PPFIA2: variants seen among roughly 807,000 people sequenced by gnomAD.
PPFIA2 encodes the protein liprin-alpha-2.
PPFIA2 carries 46 observed loss-of-function variants against 175.5 expected under a neutral mutation model. That is an observed-to-expected ratio of 0.26 (90% CI 0.21 to 0.34). The LOEUF is 0.34. Ranked by LOEUF, PPFIA2 falls within the 10% of genes least tolerant of loss-of-function variation. The probability of loss-of-function intolerance (pLI) is 1.00; values close to 1 mark genes in which losing one functional copy is unlikely to be tolerated. For missense variants in PPFIA2, 1,179 were observed against 1,506.1 expected (o/e 0.78, Z 3.60); for synonymous variants, 568 against 511.4 (o/e 1.11, Z -1.49).
chr12:81,366,946 C>T (rs2033655511), intron 14 of PPFIA2, among the ~76,000 whole-genome samples, 162 bp downstream of exon 14: 1 of 151,712 alleles, frequency 6.6e-6, no homozygotes, highest in East Asian at 1.9e-4. Context: ...AGCTCTTCCT[C>T]TCTATGTACG....
chr12:81,616,980 T>C lies in PPFIA2; in HGVS notation c.303+59811A>G, dbSNP rs1380438896. Among the ~76,000 whole-genome samples, 4 of 152,198 alleles carry C rather than the reference T, an allele frequency of 2.6e-5. No individual in the cohort carries two copies. The East Asian group carries it at 7.7e-4, about 29-fold the overall frequency. On this transcript the variant is annotated intron_variant, in intron 4 of 32. Coordinates refer to ENST00000549396, the MANE Select transcript of PPFIA2 (RefSeq NM_003625.5). The stretch of plus-strand genomic sequence containing the variant: ...GTATAACAGTTTAAAGCATGGGCTC[T>C]AGTGTCAAAGAGATTCAAATTCAAA...
chr12:81,570,736 CAATT>C (rs1337832072), intron 4 of PPFIA2, among the ~76,000 whole-genome samples: 5 of 148,436 alleles, frequency 3.4e-5, no homozygotes, highest in East Asian at 1.9e-4. Context: ...TAAAATATAT[CAATT>C]AATATAATTT....
At chr12:81,570,735 T>C (rs1295613358) in intron 4 of PPFIA2, among the ~76,000 whole-genome samples, 1 of 148,934 alleles carries the variant, frequency 6.7e-6, no homozygotes, top group Non-Finnish European at 1.5e-5. Context: ...ATAAAATATA[T>C]CAATTAATAT....
intron 4 of PPFIA2, among the ~76,000 whole-genome samples, chr12:81,479,775 G>A (rs923615186): frequency 1.3e-5 from 2 of 152,054 alleles, no homozygotes; most frequent in Non-Finnish European, 2.9e-5. Flanking sequence ...AGAGAGATCC[G>A]TGGTTAGTCT....
At chr12:81,487,017 T>C (rs960107695) in intron 4 of PPFIA2, among the ~76,000 whole-genome samples, 5 of 151,964 alleles carry the variant, frequency 3.3e-5, no homozygotes, top group Admixed American at 6.6e-5. Context: ...ACTCAATGCA[T>C]ATTTACATTT....
chr12:81,510,752 T>C (rs2061685657), intron 4 of PPFIA2, among the ~76,000 whole-genome samples: 1 of 152,104 alleles, frequency 6.6e-6, no homozygotes, highest in Admixed American at 6.5e-5. Flanking sequence ...TATAGTGATG[T>C]ACTAGTTTTG....
At chr12:81,609,199 T>G (rs980676420) in intron 4 of PPFIA2, among the ~76,000 whole-genome samples, 3 of 152,162 alleles carry the variant, frequency 2.0e-5, no homozygotes, top group African/African-American at 7.2e-5. Flanking sequence ...TGAGTAAGCA[T>G]GTCATCAATC....
intron 4 of PPFIA2, among the ~76,000 whole-genome samples, chr12:81,635,976 A>T (rs1294056501): frequency 6.6e-6 from 1 of 152,174 alleles, no homozygotes; most frequent in Non-Finnish European, 1.5e-5. Flanking sequence ...AAACAAAGAT[A>T]TCTTGTATTA....
chr12:81,677,148 A>T (rs1226772771), intron 3 of PPFIA2, among the ~76,000 whole-genome samples: 1 of 152,016 alleles, frequency 6.6e-6, no homozygotes, highest in Non-Finnish European at 1.5e-5. Context: ...AGAAAACTTC[A>T]GTTTAACGTA....
At chr12:81,523,843 T>C (rs901957572) in intron 4 of PPFIA2, among the ~76,000 whole-genome samples, 6 of 152,238 alleles carry the variant, frequency 3.9e-5, no homozygotes, top group Non-Finnish European at 8.8e-5. Flanking sequence ...TTGCTTTTTT[T>C]ACATCTACTA....
intron 3 of PPFIA2, among the ~76,000 whole-genome samples, chr12:81,727,736 A>AT (rs1462083189): frequency 2.0e-5 from 3 of 151,516 alleles, no homozygotes; most frequent in East Asian, 2.0e-4. Flanking sequence ...AGCCAGGATC[A>AT]TTTTTTCTTT....
intron 3 of PPFIA2, among the ~76,000 whole-genome samples, chr12:81,715,551 T>C (rs546368091): frequency 7.2e-5 from 11 of 151,838 alleles, no homozygotes; most frequent in African/African-American, 2.7e-4. Flanking sequence ...TCAGCTTTTT[T>C]CCCCCAGTAA....
intron 14 of PPFIA2, among the ~76,000 whole-genome samples, chr12:81,363,052 C>G (rs1422224402): frequency 6.6e-6 from 1 of 151,298 alleles, no homozygotes; most frequent in Admixed American, 6.6e-5. Flanking sequence ...TTATGACTAG[C>G]TATGTAGATG....
chr12:81,289,661 CA>C (rs1455680706), intron 24 of PPFIA2, among the ~76,000 whole-genome samples: 5 of 151,696 alleles, frequency 3.3e-5, no homozygotes, highest in Non-Finnish European at 5.9e-5. Flanking sequence ...AAAGAAACAC[CA>C]ACTAGAGAAA....
At position 81,266,904 on chromosome 12, in the gene PPFIA2, T is replaced by C. The variant is rs772861318; in HGVS notation, c.3555+48A>G. ...CCTTAAAAACAAAGATGTTCTATCA[T>C]TTTTCTTTTACTCTCTCAGATCTCT... is the stretch of plus-strand genomic sequence containing the variant. On this transcript the variant is annotated intron_variant, in intron 30 of 32. Transcript: ENST00000549396. 6.6e-5 allele frequency: 89 copies of C among 1,350,526 alleles called. No individual in the cohort carries two copies. The South Asian group carries it at 7.0e-4, about 11-fold the overall frequency. 83.7% of individuals were successfully genotyped at this position (1,350,526 alleles called of 1,614,324 possible).
chr12:81,266,412 A>G (rs1398533564), intron 30 of PPFIA2, among the ~76,000 whole-genome samples: 1 of 152,200 alleles, frequency 6.6e-6, no homozygotes, highest in Non-Finnish European at 1.5e-5. Context: ...CACATATTAT[A>G]TAGCGATTCT....
At chr12:81,470,061 T>C (rs1199376773) in intron 4 of PPFIA2, among the ~76,000 whole-genome samples, 1 of 152,212 alleles carries the variant, frequency 6.6e-6, no homozygotes, top group Non-Finnish European at 1.5e-5. Flanking sequence ...CAGTCTATGG[T>C]ATTTTGTTAT....
intron 4 of PPFIA2, among the ~76,000 whole-genome samples, chr12:81,482,886 A>G (rs2058405515): frequency 6.6e-6 from 1 of 152,006 alleles, no homozygotes; most frequent in Non-Finnish European, 1.5e-5. Flanking sequence ...ACTTATATAT[A>G]TATATATACT....
intron 4 of PPFIA2, chr12:81,512,456 T>C: frequency 1.4e-6 from 1 of 720,472 alleles, no homozygotes; most frequent in Non-Finnish European, 1.9e-6. Context: ...CTAATCTTCC[T>C]TTAAAGTTAA....
Sources: allele counts gnomAD v4.1 joint callset (sites outside exome capture counted in the v4.1 genomes callset), GRCh38; gene constraint gnomAD v4.1.1; transcripts MANE v1.5; gene names NCBI Gene and HGNC (gene_info 2026-07-23, HGNC 2026-07-21).